The following GRIP1 variants were observed in gnomAD, a reference collection of about 807,000 sequenced individuals.
GRIP1 encodes the protein glutamate receptor-interacting protein 1.
Under a neutral mutation model 129.9 loss-of-function variants are expected in GRIP1, and 45 were observed. The observed-to-expected ratio is 0.35, with a 90% CI of 0.27 to 0.44. The LOEUF (loss-of-function observed/expected upper bound fraction) is 0.44. GRIP1 is among the 20% of genes least tolerant of loss of function. The pLI is 1.00. For synonymous variants in GRIP1, 530 were observed against 520.8 expected, an observed-to-expected ratio of 1.02 and a Z score of -0.24; for missense variants, 1,196 against 1,396.8, an observed-to-expected ratio of 0.86 and a Z score of 2.29.
chr12:66,684,577 G>A (rs919802470), intron 1 of GRIP1, among the ~76,000 whole-genome samples: 7 of 152,162 alleles, frequency 4.6e-5, no homozygotes, highest in Admixed American at 1.3e-4. Flanking sequence ...GGGGACGGTG[G>A]CTCATACCTG....
At chr12:66,701,455 T>C (rs528957412) in intron 1 of GRIP1, among the ~76,000 whole-genome samples, 1 of 152,262 alleles carries the variant, frequency 6.6e-6, no homozygotes, top group African/African-American at 2.4e-5. Flanking sequence ...GTAAATCCTC[T>C]CCAAGATCCT....
chr12:66,900,747 C>T (rs2040831792), intron 1 of GRIP1, among the ~76,000 whole-genome samples: 1 of 152,176 alleles, frequency 6.6e-6, no homozygotes, highest in Non-Finnish European at 1.5e-5. Flanking sequence ...CCCGAAAGCA[C>T]ACCCAAGGAC....
chr12:66,945,530 C>G (rs2041654065), intron 1 of GRIP1, among the ~76,000 whole-genome samples: 1 of 151,918 alleles, frequency 6.6e-6, no homozygotes, highest in Non-Finnish European at 1.5e-5. Context: ...GAGAAGTCCT[C>G]TCACATGGCA....
At chr12:66,821,393 A>C (rs1414018020) in intron 1 of GRIP1, among the ~76,000 whole-genome samples, 3 of 152,166 alleles carry the variant, frequency 2.0e-5, no homozygotes, top group African/African-American at 7.2e-5. Flanking sequence ...CATAACTGTT[A>C]TATCTTTATG....
chr12:66,516,307 C>T (rs1349441703), intron 6 of GRIP1, among the ~76,000 whole-genome samples: 2 of 152,124 alleles, frequency 1.3e-5, no homozygotes, highest in Non-Finnish European at 2.9e-5. Flanking sequence ...AAGGCAAATG[C>T]TATCCTCCCT....
intron 23 of GRIP1, among the ~76,000 whole-genome samples, chr12:66,370,082 T>G (rs2055400435): frequency 6.6e-6 from 1 of 152,208 alleles, no homozygotes; most frequent in Admixed American, 6.5e-5. Flanking sequence ...CACCACAATC[T>G]TTGACATCCC....
intron 1 of GRIP1, among the ~76,000 whole-genome samples, chr12:66,762,122 T>C (rs11176417): frequency 0.065 from 9,970 of 152,286 alleles, 466 homozygotes; most frequent in Admixed American, 0.14. Flanking sequence ...TAGGTCTCCA[T>C]GGTTTTGCTC....
At chr12:67,004,080 G>C (rs2088959532) in intron 1 of GRIP1, among the ~76,000 whole-genome samples, 1 of 152,126 alleles carries the variant, frequency 6.6e-6, no homozygotes, top group African/African-American at 2.4e-5. Flanking sequence ...ATGGCATTTA[G>C]GGGCTTACCT....
intron 14 of GRIP1, among the ~76,000 whole-genome samples, chr12:66,426,819 G>A (rs544315189): frequency 6.6e-6 from 1 of 152,254 alleles, no homozygotes; most frequent in South Asian, 2.1e-4. Context: ...TTGGCTATCT[G>A]GCTTCTTTAA....
intron 2 of GRIP1, among the ~76,000 whole-genome samples, chr12:66,542,313 G>A (rs2061809083): frequency 6.6e-6 from 1 of 152,148 alleles, no homozygotes; most frequent in African/African-American, 2.4e-5. Flanking sequence ...TACAGAATTA[G>A]AACAGAATTT....
chr12:66,966,482 T>C (rs957687340), intron 1 of GRIP1, among the ~76,000 whole-genome samples: 19 of 152,198 alleles, frequency 1.2e-4, no homozygotes, highest in Admixed American at 9.2e-4. Context: ...TACATCATTA[T>C]TAACTAAAGT....
At chr12:66,920,064 A>T (rs2041188143) in intron 1 of GRIP1, among the ~76,000 whole-genome samples, 1 of 152,210 alleles carries the variant, frequency 6.6e-6, no homozygotes, top group South Asian at 2.1e-4. Flanking sequence ...ATGTATGTAA[A>T]GAATAGGTTG....
At chr12:66,572,431 C>A (rs931522003) in intron 2 of GRIP1, among the ~76,000 whole-genome samples, 8 of 152,132 alleles carry the variant, frequency 5.3e-5, no homozygotes, top group Non-Finnish European at 1.0e-4. Flanking sequence ...CCCACCCCAC[C>A]CCCAAGCATG....
At chr12:66,428,192 C>A (rs960217964) in intron 14 of GRIP1, among the ~76,000 whole-genome samples, 1 of 152,186 alleles carries the variant, frequency 6.6e-6, no homozygotes, top group Admixed American at 6.5e-5. Context: ...TCATCACACA[C>A]ACACATACAA....
chr12:66,813,545 T>C (rs1592870305), intron 1 of GRIP1, among the ~76,000 whole-genome samples: 2 of 152,254 alleles, frequency 1.3e-5, no homozygotes, highest in African/African-American at 2.4e-5. Flanking sequence ...CTGGGGGCTA[T>C]ATTTGAATGG....
At chr12:66,814,101 G>C (rs2039158125) in intron 1 of GRIP1, among the ~76,000 whole-genome samples, 1 of 151,574 alleles carries the variant, frequency 6.6e-6, no homozygotes, top group African/African-American at 2.4e-5. Flanking sequence ...TTTATATATA[G>C]TTATAAATTT....
intron 1 of GRIP1, among the ~76,000 whole-genome samples, chr12:66,707,790 T>A (rs1257315378): frequency 6.6e-6 from 1 of 152,010 alleles, no homozygotes; most frequent in Non-Finnish European, 1.5e-5. Flanking sequence ...CATCTTTTGC[T>A]AGAACAAGGT....
intron 4 of GRIP1, among the ~76,000 whole-genome samples, chr12:66,532,568 A>T (rs1369516571): frequency 6.6e-6 from 1 of 152,158 alleles, no homozygotes; most frequent in Non-Finnish European, 1.5e-5. Flanking sequence ...GCACTTGCCC[A>T]TGTGACTTAC....
At chr12:66,727,223 T>G (rs2036284129) in intron 1 of GRIP1, among the ~76,000 whole-genome samples, 1 of 152,226 alleles carries the variant, frequency 6.6e-6, no homozygotes, top group Non-Finnish European at 1.5e-5. Context: ...ATTTTTCAGT[T>G]TCCTGTAATA....
Sources: gnomAD v4.1 joint callset for allele counts (sites outside exome capture counted in the v4.1 genomes callset) on GRCh38, gnomAD v4.1.1 for gene constraint, MANE v1.5 for transcripts, NCBI Gene and HGNC (gene_info 2026-07-23, HGNC 2026-07-21) for gene names.